IGFN1: variants seen among roughly 807,000 people sequenced by gnomAD.
IGFN1 encodes the protein immunoglobulin-like and fibronectin type III domain-containing protein 1.
In IGFN1, 253 loss-of-function variants were observed where a neutral mutation model predicts 289.5. The ratio of observed to expected loss-of-function variants is 0.87; its 90% CI spans 0.79 to 0.97. IGFN1 has a LOEUF of 0.97. IGFN1 is among the 50% of genes least tolerant of loss of function. IGFN1 has a pLI of 0.00. For missense variants in IGFN1, 4,470 were observed against 4,686.1 expected (o/e 0.95, Z 1.35); for synonymous variants, 1,706 against 1,788.5 (o/e 0.95, Z 1.16).
chr1:201,208,575 G>A lies in IGFN1; in HGVS notation c.3682G>A (p.Val1228Ile), dbSNP rs200228670. ...ACTTCCAGGGCCTCAGGGAACTGGG[G>A]TCAGAACAGCCTATGGAGAAAGGTC... ...SELPGPQGTG[V>I]RTAYGERSRG... Residue 1228 changes from valine (V) to isoleucine (I), a missense_variant, in exon 12 of 24, where the codon GTC becomes ATC. Transcript: ENST00000335211. 727 of 1,477,414 alleles carry A rather than the reference G, an allele frequency of 4.9e-4. 3 individuals carry two copies. In the African/African-American group the frequency reaches 9.4e-3, roughly 19 times the overall value. The allele number at this position is 1,477,414 out of a possible 1,614,324, so 91.5% of individuals were successfully genotyped here.
At chr1:201,192,910 G>T (rs1666721644) in intron 1 of IGFN1, among the ~76,000 whole-genome samples, 1 of 152,216 alleles carries the variant, frequency 6.6e-6, no homozygotes, top group Non-Finnish European at 1.5e-5. Context: ...TGGGAGGGTT[G>T]TGTCTCATGT....
intron 3 of IGFN1, among the ~76,000 whole-genome samples, chr1:201,194,668 A>G (rs1041799749): frequency 6.6e-6 from 1 of 152,224 alleles, no homozygotes; most frequent in Non-Finnish European, 1.5e-5. Context: ...CCTCGCCTCC[A>G]GGCAGCAGCA....
intron 7 of IGFN1, 23 bp downstream of exon 7, chr1:201,199,677 G>C: frequency 6.5e-7 from 1 of 1,549,606 alleles, no homozygotes; most frequent in South Asian, 1.2e-5. Context: ...CTGTCCATGA[G>C]GGATTTTGGA....
Position 201,226,154 on chromosome 1 carries a change from A to C in IGFN1, c.10786+31A>C, listed in dbSNP as rs143028742. ...CAGCCCCTGAGAGGGAGGAGCAGGC[A>C]GGGTGGGGGTTGCGCTCTGCAATGC... On this transcript the variant is annotated intron_variant, in intron 22 of 23. Transcript: ENST00000335211. 1,284 of 1,547,278 alleles carry C rather than the reference A, an allele frequency of 8.3e-4. 17 individuals are homozygous for C. In the African/African-American group the frequency reaches 0.016, roughly 19 times the overall value.
intron 10 of IGFN1, among the ~76,000 whole-genome samples, 199 bp downstream of exon 10, chr1:201,204,105 G>A (rs963722447): frequency 1.3e-5 from 2 of 152,162 alleles, no homozygotes; most frequent in African/African-American, 4.8e-5. Context: ...TATCTCTCCT[G>A]GTGCTGAGCT....
rs1438372573 is a variant in IGFN1, at chr1:201,228,589, G to A, written c.*190G>A. On this transcript the variant is annotated 3_prime_UTR_variant, in exon 24 of 24. Coordinates refer to ENST00000335211, the MANE Select transcript of IGFN1 (RefSeq NM_001164586.2). ...TGGGGAAGAAAAACAAGGGAGGAGG[G>A]CATTCCACCTCCTGGCTCCAAGCTA... The A allele has an allele frequency of 1.6e-6, 1 of 642,964 alleles. No individual in the cohort carries two copies. The highest frequency in any genetic ancestry group is 2.8e-6 in the Non-Finnish European group (1 of 355,968). The allele number at this position is 642,964 out of a possible 1,614,324, so 39.8% of individuals were successfully genotyped here.
At position 201,206,823 on chromosome 1, in the gene IGFN1, C is replaced by T; in HGVS notation, c.1930C>T (p.Pro644Ser). Residue 644 changes from proline (P) to serine (S), a missense_variant, in exon 12 of 24, where the codon CCA (proline) becomes TCA (serine). Coordinates refer to ENST00000335211, the MANE Select transcript of IGFN1 (RefSeq NM_001164586.2). The stretch of plus-strand genomic sequence containing the variant: ...GGCTGAGATGGACAGAGGGGATGCT[C>T]CAAGTAGGGAAAGGGGGAGAGGAAT... Reference protein sequence around the residue: ...SLAEMDRGDAPSRERGRGIVV... With the variant: ...SLAEMDRGDASSRERGRGIVV... 1 of 1,536,784 alleles carries T rather than the reference C, an allele frequency of 6.5e-7. No individual in the cohort carries two copies. The highest frequency in any genetic ancestry group is 8.7e-7 in the Non-Finnish European group (1 of 1,146,864).
chr1:201,212,693 C>T lies in IGFN1; in HGVS notation c.7800C>T (p.Asp2600=), dbSNP rs1393302026. ...CAGTGGGGACAGGTCAGGATCTGGA[C>T]AGCGGCTCTATGCCTGGGGGAAGGG... ...GSSVGTGQDL[D]SGSMPGGRGK... is the part of the protein sequence containing the mutation. Residue 2600 remains aspartate, a synonymous_variant, in exon 12 of 24, where the codon GAC becomes GAT. Coordinates refer to ENST00000335211, the MANE Select transcript of IGFN1 (RefSeq NM_001164586.2). 6.5e-7 allele frequency: 1 copy of T among 1,548,340 alleles called. No individual in the cohort carries two copies. Among genetic ancestry groups the T allele is most frequent in the Non-Finnish European group, 8.7e-7 (1 of 1,145,250 alleles).
chr1:201,228,598 C>T lies in IGFN1; in HGVS notation c.*199C>T. On this transcript the variant is annotated 3_prime_UTR_variant, in exon 24 of 24. Coordinates refer to ENST00000335211, the MANE Select transcript of IGFN1 (RefSeq NM_001164586.2). ...AAAACAAGGGAGGAGGGCATTCCAC[C>T]TCCTGGCTCCAAGCTAAGTCACTCA... The T allele has an allele frequency of 1.6e-6, 1 of 628,872 alleles. No individual in the cohort carries two copies. Among genetic ancestry groups the T allele is most frequent in the Non-Finnish European group, 2.9e-6 (1 of 348,990 alleles). The allele number at this position is 628,872 out of a possible 1,614,324, so 39.0% of individuals were successfully genotyped here. A position where few individuals can be genotyped will look rare whatever the true frequency, so the allele number is the denominator to read the frequency against.
At position 201,216,734 on chromosome 1, in the gene IGFN1, G is replaced by C. The variant is rs569600987; in HGVS notation, c.9576G>C (p.Glu3192Asp). ...EGAGEALESE[E>D]ILVAPEALPK... ...CTGGCGAGGCCCTGGAGTCTGAGGA[G>C]ATATTGGTGGCTCCTGAGGGTGAGA... The change falls in exon 16 of 24, where the codon GAG (glutamate) becomes GAC (aspartate). Residue 3192 changes from glutamate (E) to aspartate (D), a missense_variant. Transcript: ENST00000335211. 175 of 1,608,710 alleles carry C rather than the reference G, an allele frequency of 1.1e-4. No individual in the cohort carries two copies. The highest frequency in any genetic ancestry group is 1.0e-3 in the Admixed American group (61 of 59,840).
chr1:201,206,996 A>G lies in IGFN1; in HGVS notation c.2103A>G (p.Arg701=). The change falls in exon 12 of 24, where the codon AGA becomes AGG. Residue 701 remains arginine, a synonymous_variant. Coordinates refer to ENST00000335211, the MANE Select transcript of IGFN1 (RefSeq NM_001164586.2). ...AATCCTGGGGTTCTCAGGGAGGTAG[A>G]GATGCTGACTATGGGGAAGCCAGGG... ...APESWGSQGG[R]DADYGEARGY... 1.3e-6 allele frequency: 2 copies of G among 1,536,434 alleles called. No individual in the cohort carries two copies. Among genetic ancestry groups the G allele is most frequent in the Non-Finnish European group, 1.7e-6 (2 of 1,146,592 alleles).
intron 8 of IGFN1, 75 bp from the exon 9 acceptor site, chr1:201,201,644 A>G (rs10157730): frequency 0.93 from 722,272 of 775,278 alleles, 336,903 homozygotes; most frequent in East Asian, 1. Flanking sequence ...ATGGTACCAG[A>G]GCCTATGAGG....
rs1291614881 is a variant in IGFN1, at chr1:201,217,431, G to C, written c.9740G>C (p.Trp3247Ser). The change falls in exon 17 of 24, where the codon TGG becomes TCG. Residue 3247 changes from tryptophan to serine, a missense_variant. This residue lies in a region of IGFN1 where 2,218 missense variants were observed against 2,114.1 expected (regional missense o/e 1.05). Transcript: ENST00000335211. ...IERRKKGSNT[W>S]TAVNDQPVPE... is the part of the protein sequence containing the mutation. ...AGGCGTAAGAAGGGGAGCAACACCTGGACGGCAGTGAACGACCAGCCGGTG... is the reference window on the plus strand; with the variant it reads ...AGGCGTAAGAAGGGGAGCAACACCTCGACGGCAGTGAACGACCAGCCGGTG... 1 of 1,614,178 alleles carries C rather than the reference G, an allele frequency of 6.2e-7. No individual in the cohort carries two copies. The highest frequency in any genetic ancestry group is 1.7e-5 in the Admixed American group (1 of 60,036).
In IGFN1 at chr1:201,221,678, C is replaced by T. The variant is rs1014263818; in HGVS notation, c.10133C>T (p.Ala3378Val). 4 of 1,613,800 alleles carry T rather than the reference C, an allele frequency of 2.5e-6. No homozygotes were observed. The highest frequency in any genetic ancestry group is 1.1e-5 in the South Asian group (1 of 91,026). ...GAGGGCTACTTCGTGCGGGTGACAG[C>T]AGTTAATGAAGGAGGCCAGAGCCAG... Reference protein sequence around the residue: ...PGEGYFVRVTAVNEGGQSQPS... With the variant: ...PGEGYFVRVTVVNEGGQSQPS... Residue 3378 changes from alanine (A) to valine (V), a missense_variant, in exon 19 of 24, where the codon GCA becomes GTA. Around this residue, in one of 8 missense-constraint regions of IGFN1, gnomAD observed 2,218 missense variants for 2,114.1 expected, o/e 1.05. Transcript: ENST00000335211.
rs79128728 is a variant in IGFN1 at position 201,214,872 on chromosome 1, G to A, written c.8854-141G>A. On this transcript the variant is annotated intron_variant, in intron 13 of 23. Transcript: ENST00000335211. ...ACAATTAAATAAGGTGCTAAGCACA[G>A]AGAGCATTGGCACACAATAAGCATT... 9.2e-4 allele frequency: 724 copies of A among 789,834 alleles called. 7 individuals are homozygous for A. In the African/African-American group the frequency reaches 0.012, roughly 13 times the overall value. 48.9% of individuals were successfully genotyped at this position (789,834 alleles called of 1,614,324 possible).
chr1:201,220,765 T>C (rs1014542544), intron 18 of IGFN1, among the ~76,000 whole-genome samples: 3 of 152,230 alleles, frequency 2.0e-5, no homozygotes, highest in Non-Finnish European at 4.4e-5. Context: ...TCAAACTTCA[T>C]TGCATATGTA....
In IGFN1 at chr1:201,215,038, T is replaced by C; in HGVS notation, c.8879T>C (p.Phe2960Ser). The change falls in exon 14 of 24, where the codon TTT (phenylalanine) becomes TCT (serine). Residue 2960 changes from phenylalanine to serine, a missense_variant. By Grantham distance (155) the Phe-to-Ser change is radical. Around this residue, in one of 8 missense-constraint regions of IGFN1, gnomAD observed 2,218 missense variants for 2,114.1 expected, o/e 1.05. Transcript: ENST00000335211. ...CTCACCACCCAGGATGGAGTCATCT[T>C]TAAGCAAGACGGTCTCGTGCACAGC... Reference protein sequence around the residue: ...VKLTTQDGVIFKQDGLVHSLF... With the variant: ...VKLTTQDGVISKQDGLVHSLF... 1 of 1,614,060 alleles carries C rather than the reference T, an allele frequency of 6.2e-7. No individual in the cohort carries two copies. The highest frequency in any genetic ancestry group is 1.3e-5 in the African/African-American group (1 of 75,022).
At chr1:201,202,582 C>T (rs1325038458) in intron 9 of IGFN1, among the ~76,000 whole-genome samples, 3 of 152,156 alleles carry the variant, frequency 2.0e-5, no homozygotes, top group Non-Finnish European at 4.4e-5. Context: ...AGAGACTTCC[C>T]TTGGCCACTC....
chr1:201,222,897 G>GCT (rs1653830534), intron 20 of IGFN1, 70 bp downstream of exon 20: 1 of 1,067,812 alleles, frequency 9.4e-7, no homozygotes. Context: ...CAGCCCTGTG[G>GCT]CTCTCTTTTC....
Sources: allele counts gnomAD v4.1 joint callset (sites outside exome capture counted in the v4.1 genomes callset), GRCh38; gene constraint gnomAD v4.1.1; regional missense constraint gnomAD v4.1.1; transcripts MANE v1.5; gene names NCBI Gene and HGNC (gene_info 2026-07-23, HGNC 2026-07-21).